SPAG16: variants seen among roughly 807,000 people sequenced by gnomAD.
The protein encoded by SPAG16 is sperm associated antigen 16.
SPAG16 carries 86 observed loss-of-function variants against 80.4 expected under a neutral mutation model. The ratio of observed to expected loss-of-function variants is 1.07; its 90% confidence interval spans 0.90 to 1.28. SPAG16 has a LOEUF of 1.28. SPAG16 is among the 50% of genes most tolerant of loss of function. The pLI is 0.00. For missense variants in SPAG16, 870 were observed against 765.3 expected, an observed-to-expected ratio of 1.14 and a Z score of -1.61; for synonymous variants, 294 against 265.9, an observed-to-expected ratio of 1.11 and a Z score of -1.03.
Position 213,359,679 on chromosome 2 carries a change from T to C in SPAG16, c.763-4397T>C, listed in dbSNP as rs548743139. 5.3e-5 allele frequency among the ~76,000 whole-genome samples: 8 copies of C among 152,290 alleles called. No individual in the cohort carries two copies. The East Asian group carries it at 1.5e-3, about 29-fold the overall frequency. ...GCCTCGTTTTTCCAGGTACAGTCTG[T>C]TATGGCTTCCCTTGGCTAGGAAAGG... On this transcript the variant is annotated intron_variant, in intron 7 of 15. Coordinates refer to ENST00000331683, the MANE Select transcript of SPAG16 (RefSeq NM_024532.5).
At chr2:213,719,219 ACT>A (rs1322375848) in intron 10 of SPAG16, among the ~76,000 whole-genome samples, 3 of 151,896 alleles carry the variant, frequency 2.0e-5, no homozygotes, top group Non-Finnish European at 4.4e-5. Flanking sequence ...ACCAATCGAC[ACT>A]CTGTATCTAG....
At chr2:213,315,519 A>G (rs2063363097) in intron 4 of SPAG16, among the ~76,000 whole-genome samples, 1 of 152,080 alleles carries the variant, frequency 6.6e-6, no homozygotes, top group South Asian at 2.1e-4. Flanking sequence ...TCACATTTTA[A>G]AAAAGGAAGA....
At chr2:214,375,022 T>C (rs1434085799) in intron 15 of SPAG16, among the ~76,000 whole-genome samples, 2 of 152,124 alleles carry the variant, frequency 1.3e-5, no homozygotes, top group Non-Finnish European at 2.9e-5. Flanking sequence ...AGCATGGTAT[T>C]TGTTTGTCAG....
intron 9 of SPAG16, among the ~76,000 whole-genome samples, chr2:213,454,089 A>G (rs926149295): frequency 1.3e-5 from 2 of 152,180 alleles, no homozygotes; most frequent in African/African-American, 4.8e-5. Flanking sequence ...TCCCTAATAT[A>G]CTTGTTTTTA....
chr2:214,326,380 C>T (rs765648394), intron 15 of SPAG16, among the ~76,000 whole-genome samples: 2 of 152,074 alleles, frequency 1.3e-5, no homozygotes, highest in African/African-American at 4.8e-5. Context: ...CCTGCTGACA[C>T]CTTGATTTTG....
intron 7 of SPAG16, among the ~76,000 whole-genome samples, chr2:213,359,258 T>C (rs2065844429): frequency 6.6e-6 from 1 of 152,192 alleles, no homozygotes; most frequent in African/African-American, 2.4e-5. Context: ...AGGCAGTCCA[T>C]CCATTCTCAG....
At chr2:213,376,934 T>C (rs907464746) in intron 9 of SPAG16, among the ~76,000 whole-genome samples, 1 of 152,178 alleles carries the variant, frequency 6.6e-6, no homozygotes, top group Non-Finnish European at 1.5e-5. Flanking sequence ...TTATAAACAG[T>C]CGCTCTCTTC....
intron 5 of SPAG16, among the ~76,000 whole-genome samples, chr2:213,335,095 GTAA>G (rs1038323694): frequency 1.8e-4 from 28 of 151,932 alleles, no homozygotes; most frequent in African/African-American, 3.6e-4. Context: ...ATTTTAAAAA[GTAA>G]TAATTAAAAA....
At chr2:214,206,234 G>T (rs1292189324) in intron 15 of SPAG16, among the ~76,000 whole-genome samples, 1 of 151,882 alleles carries the variant, frequency 6.6e-6, no homozygotes, top group Non-Finnish European at 1.5e-5. Context: ...CTCCCCTCTA[G>T]CTGTATTTTT....
chr2:213,936,128 A>G (rs2078978745), intron 12 of SPAG16, among the ~76,000 whole-genome samples: 1 of 152,138 alleles, frequency 6.6e-6, no homozygotes, highest in Non-Finnish European at 1.5e-5. Flanking sequence ...CAGCAAGCCA[A>G]GCAGATACTT....
At position 213,862,487 on chromosome 2, in the gene SPAG16, T is replaced by A. The variant is rs2075513664; in HGVS notation, c.1073T>A (p.Val358Asp). 1 of 1,613,836 alleles carries A rather than the reference T, an allele frequency of 6.2e-7. No homozygotes were observed. Among genetic ancestry groups the A allele is most frequent in the East Asian group, 2.2e-5 (1 of 44,864 alleles). The change falls in exon 11 of 16, where the codon GTC becomes GAC. Residue 358 changes from valine to aspartate, a missense_variant and splice_region_variant. By Grantham distance (152) the Val-to-Asp change is radical. Coordinates refer to ENST00000331683, the MANE Select transcript of SPAG16 (RefSeq NM_024532.5). The stretch of plus-strand genomic sequence containing the variant: ...CTTTTTTCTTTCTCCTCGCGCAGTG[T>A]CTCCATGCAACCCCACAAAGACATC... ...FRLHELPVSC[V>D]SMQPHKDILV...
chr2:213,553,533 G>T (rs1412485586), intron 10 of SPAG16, among the ~76,000 whole-genome samples: 1 of 152,136 alleles, frequency 6.6e-6, no homozygotes, highest in Admixed American at 6.5e-5. Context: ...AAGAGGGGCT[G>T]CACGCTCCTC....
At chr2:214,009,300 T>G (rs1212074561) in intron 12 of SPAG16, among the ~76,000 whole-genome samples, 1 of 152,068 alleles carries the variant, frequency 6.6e-6, no homozygotes, top group Non-Finnish European at 1.5e-5. Flanking sequence ...TCAGTGAAAC[T>G]TCAGTTCTAC....
intron 15 of SPAG16, among the ~76,000 whole-genome samples, chr2:214,184,939 A>C (rs575992315): frequency 2.0e-5 from 3 of 150,284 alleles, no homozygotes; most frequent in Non-Finnish European, 4.4e-5. Flanking sequence ...GTCTTTAAAA[A>C]TTTTTTTTTT....
intron 15 of SPAG16, among the ~76,000 whole-genome samples, chr2:214,348,415 T>C (rs1027095524): frequency 1.3e-5 from 2 of 152,234 alleles, no homozygotes; most frequent in Non-Finnish European, 2.9e-5. Context: ...AGCAAGATCA[T>C]TGTTTTCTTC....
At chr2:213,715,929 G>GA (rs1254936054) in intron 10 of SPAG16, among the ~76,000 whole-genome samples, 1 of 151,520 alleles carries the variant, frequency 6.6e-6, no homozygotes, top group African/African-American at 2.4e-5. Flanking sequence ...AGTTAAGTGG[G>GA]AAAAAGTTAC....
At chr2:214,354,663 C>T (rs917814369) in intron 15 of SPAG16, among the ~76,000 whole-genome samples, 3 of 151,612 alleles carry the variant, frequency 2.0e-5, no homozygotes, top group Non-Finnish European at 4.4e-5. Context: ...TTTGTATCCT[C>T]TTTTATTTCA....
At chr2:213,560,767 A>G (rs1333426487) in intron 10 of SPAG16, among the ~76,000 whole-genome samples, 9 of 152,184 alleles carry the variant, frequency 5.9e-5, no homozygotes, top group Non-Finnish European at 1.3e-4. Flanking sequence ...TTCTTTTTAT[A>G]AATTTAGTTA....
intron 9 of SPAG16, among the ~76,000 whole-genome samples, chr2:213,433,008 G>A (rs2070397613): frequency 6.6e-6 from 1 of 152,150 alleles, no homozygotes; most frequent in African/African-American, 2.4e-5. Flanking sequence ...AAAACCATAT[G>A]ATAATCTTAA....
Sources: gnomAD v4.1 joint callset for allele counts (sites outside exome capture counted in the v4.1 genomes callset) on GRCh38, gnomAD v4.1.1 for gene constraint, MANE v1.5 for transcripts, NCBI Gene and HGNC (gene_info 2026-07-23, HGNC 2026-07-21) for gene names.